MIAT: variants seen among roughly 807,000 people sequenced by gnomAD.
MIAT encodes the protein myocardial infarction associated transcript, also known as MI related novel mRNA.
chr22:26,660,461 C>CAAAAAAA (rs58234097), intron 2 of MIAT, among the ~76,000 whole-genome samples: 1 of 107,168 alleles, frequency 9.3e-6, no homozygotes, highest in Non-Finnish European at 1.9e-5. Flanking sequence ...GAGACTATCT[C>CAAAAAAA]AAAAAAAAAA....
intron 2 of MIAT, among the ~76,000 whole-genome samples, chr22:26,649,250 G>C (rs571014280): frequency 6.6e-6 from 1 of 152,308 alleles, no homozygotes; most frequent in South Asian, 2.1e-4. Flanking sequence ...AAGTCACATG[G>C]TGGGTAAGGG....
chr22:26,657,435 C>A, intron 2 of MIAT: 1 of 398,556 alleles, frequency 2.5e-6, no homozygotes, highest in Non-Finnish European at 4.4e-6. Flanking sequence ...GGTGGGGCGC[C>A]TCCGCCCGCC....
At chr22:26,671,829 C>T (rs8142049), downstream of MIAT, 138,914 of 391,732 alleles carry the variant, frequency 0.35, 13,868 homozygotes, top group African/African-American at 0.5. Flanking sequence ...TGGCAGACAC[C>T]TAAAAAAAAA....
exon 5 of MIAT, chr22:26,675,282 G>A (rs922194775): frequency 7.5e-6 from 3 of 398,834 alleles, no homozygotes; most frequent in African/African-American, 6.2e-5. Context: ...AGGATCCAAA[G>A]AGGTTCTGGA....
At chr22:26,647,080 A>G (rs1215114076) in intron 1 of MIAT, 5 of 397,970 alleles carry the variant, frequency 1.3e-5, no homozygotes, top group Non-Finnish European at 2.2e-5. Context: ...GGGTCCCTGG[A>G]GACCCTGGGA....
chr22:26,669,473 G>GT, exon 6 of MIAT: 2 of 396,172 alleles, frequency 5.0e-6, no homozygotes, highest in Non-Finnish European at 4.4e-6. Flanking sequence ...AGCAGGCTCT[G>GT]GTGTCTCCTC....
downstream of MIAT, chr22:26,673,559 A>AT (rs974070876): frequency 1.3e-5 from 5 of 398,406 alleles, no homozygotes; most frequent in African/African-American, 2.1e-5. Context: ...TGGTTTGTGG[A>AT]TTTTTTTCTG....
At chr22:26,657,779 G>T (rs1401837221) in intron 2 of MIAT, 3 of 397,830 alleles carry the variant, frequency 7.5e-6, no homozygotes, top group Non-Finnish European at 1.3e-5. Context: ...TGGGTTCAGG[G>T]ATGCAACGCC....
chr22:26,667,399 CAT>C (rs886504972), intron 5 of MIAT: 1 of 385,888 alleles, frequency 2.6e-6, no homozygotes, highest in Non-Finnish European at 4.5e-6. Flanking sequence ...TGCATGCGTG[CAT>C]GTGTGTGCGC....
chr22:26,652,643 A>G (rs1475699122), intron 2 of MIAT, among the ~76,000 whole-genome samples: 5 of 152,268 alleles, frequency 3.3e-5, no homozygotes, highest in Middle Eastern at 3.4e-3. Flanking sequence ...GGCATGAGCC[A>G]CTGCGCCTGG....
downstream of MIAT, chr22:26,671,924 C>T (rs960553177): frequency 3.0e-5 from 12 of 398,418 alleles, no homozygotes; most frequent in Non-Finnish European, 5.3e-5. Flanking sequence ...GTGTTCTGCA[C>T]ACAGATCCTT....
At chr22:26,675,849 A>C (rs2146024582) in exon 5 of MIAT, 1 of 398,670 alleles carries the variant, frequency 2.5e-6, no homozygotes. Flanking sequence ...GAGAGGGAAA[A>C]ATATGCCTTG....
At chr22:26,661,917 CATATATATATATATATAT>C (rs58654108) in intron 2 of MIAT, among the ~76,000 whole-genome samples, 3,073 of 80,522 alleles carry the variant, frequency 0.038, 195 homozygotes, top group African/African-American at 0.11. Flanking sequence ...TATATAGATC[CATATATATATATATATAT>C]ATATATATAT....
chr22:26,659,456 G>T (rs1047221805), intron 2 of MIAT, among the ~76,000 whole-genome samples: 1 of 152,146 alleles, frequency 6.6e-6, no homozygotes, highest in African/African-American at 2.4e-5. Flanking sequence ...TAACAGGGAA[G>T]AGTGGTGAAG....
exon 6 of MIAT, chr22:26,668,219 T>A (rs892854437): frequency 2.0e-5 from 8 of 398,540 alleles, no homozygotes; most frequent in African/African-American, 1.0e-4. Flanking sequence ...GGACCTCGGG[T>A]GACCTTGGAT....
At chr22:26,672,952 C>T (rs768494494), downstream of MIAT, 1 of 398,588 alleles carries the variant, frequency 2.5e-6, no homozygotes, top group Non-Finnish European at 4.4e-6. Flanking sequence ...AGCCGTCTCC[C>T]CTCTCTGGAG....
At chr22:26,670,288 T>G (rs1035833297), downstream of MIAT, 1 of 398,274 alleles carries the variant, frequency 2.5e-6, no homozygotes, top group African/African-American at 2.1e-5. Flanking sequence ...GTGCTAGCCA[T>G]TTGGGGGAAA....
At chr22:26,666,375 A>AAGG (rs1930844378) in exon 4 of MIAT, 1 of 398,416 alleles carries the variant, frequency 2.5e-6, no homozygotes, top group Non-Finnish European at 4.4e-6. Context: ...GGCAGGGGAG[A>AAGG]AGGAGGGGGA....
intron 2 of MIAT, among the ~76,000 whole-genome samples, chr22:26,655,002 G>A (rs1453228888): frequency 6.6e-6 from 1 of 152,192 alleles, no homozygotes; most frequent in African/African-American, 2.4e-5. Context: ...GTGAGCTGCT[G>A]CGCCCGGCCA....
Sources: allele counts gnomAD v4.1 joint callset (sites outside exome capture counted in the v4.1 genomes callset), GRCh38; gene constraint gnomAD v4.1.1; transcripts MANE v1.5; gene names NCBI Gene and HGNC (gene_info 2026-07-23, HGNC 2026-07-21).